GARIN5B: variants seen among roughly 807,000 people sequenced by gnomAD.
The protein encoded by GARIN5B is golgi associated RAB2 interactor family member 5B.
At chr19:55,355,285 A>G in the GARIN5B span, 9 of 1,546,618 alleles carry the variant, frequency 5.8e-6, no homozygotes, top group Admixed American at 2.0e-5. Context: ...TCCTCTGGAC[A>G]GTTTCCAACT....
At chr19:55,356,506 C>G in the GARIN5B span, among the ~76,000 whole-genome samples, 1 of 151,968 alleles carries the variant, frequency 6.6e-6, no homozygotes, top group Non-Finnish European at 1.5e-5. Context: ...TGGGGTTTCA[C>G]CATCTTGGCC....
At chr19:55,362,555 C>A in the GARIN5B span, 1 of 1,308,146 alleles carries the variant, frequency 7.6e-7, no homozygotes, top group Non-Finnish European at 1.0e-6. Flanking sequence ...AGGGGGCGGC[C>A]GAGGGGTTGG....
the GARIN5B span, chr19:55,359,394 CCTTTCGGGGAGA>C: frequency 6.5e-7 from 1 of 1,549,746 alleles, no homozygotes; most frequent in Non-Finnish European, 8.7e-7. Flanking sequence ...ACGGCTGAGG[CCTTTCGGGGAGA>C]AGCTGACGCA....
the GARIN5B span, among the ~76,000 whole-genome samples, chr19:55,356,218 A>G: frequency 1.3e-5 from 2 of 151,510 alleles, no homozygotes. Flanking sequence ...AAAAAAAAAA[A>G]GAAAAGAAAA....
chr19:55,360,009 T>C, the GARIN5B span: 13 of 1,513,086 alleles, frequency 8.6e-6, no homozygotes, highest in South Asian at 1.3e-5. Context: ...AGAGGATACA[T>C]GGTCAGGATG....
At chr19:55,362,446 C>T in the GARIN5B span, 1 of 1,549,806 alleles carries the variant, frequency 6.5e-7, no homozygotes, top group Admixed American at 2.0e-5. Context: ...GGCGCAGCTT[C>T]AGGCGCCAGG....
chr19:55,362,510 G>A, the GARIN5B span: 1 of 1,539,246 alleles, frequency 6.5e-7, no homozygotes, highest in Non-Finnish European at 8.8e-7. Flanking sequence ...CATCCTGGGA[G>A]AGGGAGAGGG....
At chr19:55,359,629 C>T in the GARIN5B span, 60 of 1,550,842 alleles carry the variant, frequency 3.9e-5, no homozygotes, top group East Asian at 1.2e-3. Flanking sequence ...CAACAAGGAA[C>T]GGTGCCTTAC....
chr19:55,359,013 C>A, the GARIN5B span: 2 of 1,551,102 alleles, frequency 1.3e-6, no homozygotes, highest in Admixed American at 3.9e-5. Context: ...TCCTTGGACT[C>A]CTTCTTGGTC....
chr19:55,360,752 T>A, the GARIN5B span: 24 of 1,551,530 alleles, frequency 1.5e-5, no homozygotes, highest in Non-Finnish European at 2.0e-5. Context: ...ATGGTCCAGG[T>A]GGTGATGCTG....
At chr19:55,362,177 C>A in the GARIN5B span, 3 of 1,442,490 alleles carry the variant, frequency 2.1e-6, no homozygotes, top group Non-Finnish European at 2.7e-6. Flanking sequence ...TGGTCGCAGT[C>A]CCCTCTGGAT....
chr19:55,362,104 A>G, the GARIN5B span: 2 of 1,192,664 alleles, frequency 1.7e-6, no homozygotes, highest in Middle Eastern at 3.0e-4. Context: ...TCAGGGGTCC[A>G]GGCCCCCAGC....
At chr19:55,362,588 C>G in the GARIN5B span, 3 of 1,542,008 alleles carry the variant, frequency 1.9e-6, no homozygotes, top group Non-Finnish European at 2.6e-6. Flanking sequence ...CTGGTCAGCA[C>G]GAGGCCGGAG....
At chr19:55,356,778 G>A in the GARIN5B span, among the ~76,000 whole-genome samples, 2 of 151,934 alleles carry the variant, frequency 1.3e-5, no homozygotes, top group Non-Finnish European at 2.9e-5. Context: ...GGCTGGGCAC[G>A]GTGGCTCACG....
chr19:55,362,891 GC>G, the GARIN5B span: 1 of 1,485,510 alleles, frequency 6.7e-7, no homozygotes, highest in Non-Finnish European at 9.0e-7. Context: ...GTCCCTCTCA[GC>G]CCCGGGGCAC....
At chr19:55,362,249 A>T in the GARIN5B span, 1 of 1,531,298 alleles carries the variant, frequency 6.5e-7, no homozygotes, top group Non-Finnish European at 8.8e-7. Context: ...TCCCACCTGC[A>T]GGTGCCAGGT....
chr19:55,359,117 C>G, the GARIN5B span: 1 of 1,551,346 alleles, frequency 6.4e-7, no homozygotes, highest in Non-Finnish European at 8.7e-7. Flanking sequence ...CTCCGGTTTC[C>G]CTCCAGACTG....
chr19:55,360,201 G>A, the GARIN5B span, among the ~76,000 whole-genome samples: 1 of 127,250 alleles, frequency 7.9e-6, no homozygotes, highest in Non-Finnish European at 1.6e-5. Context: ...CCAGGCCCCA[G>A]CTCCTCCTCC....
chr19:55,358,085 T>G, the GARIN5B span: 1 of 1,317,704 alleles, frequency 7.6e-7, no homozygotes, highest in Non-Finnish European at 9.8e-7. Flanking sequence ...GAAAGAGTGA[T>G]CATCTCTGTC....
Sources: allele counts gnomAD v4.1 joint callset (sites outside exome capture counted in the v4.1 genomes callset), GRCh38; gene constraint gnomAD v4.1.1; transcripts MANE v1.5; gene names NCBI Gene and HGNC (gene_info 2026-07-23, HGNC 2026-07-21).